NT5DC1: variants seen among roughly 807,000 people sequenced by gnomAD.
NT5DC1 encodes the protein 5'-nucleotidase domain containing 1.
Under a neutral mutation model 59.4 loss-of-function variants are expected in NT5DC1, and 42 were observed. The observed-to-expected ratio is 0.71, with a 90% CI of 0.55 to 0.92. NT5DC1 has a LOEUF of 0.92. Ranked by LOEUF, NT5DC1 falls within the 40% of genes least tolerant of loss-of-function variation. The pLI is 0.00. For synonymous variants in NT5DC1, 172 were observed against 188.1 expected (o/e 0.91, Z 0.70); for missense variants, 501 against 537.1 (o/e 0.93, Z 0.66).
Position 116,115,697 on chromosome 6 carries a change from AT to A in NT5DC1, c.373del (p.Tyr125ThrfsTer22). On this transcript the variant is annotated frameshift_variant, in exon 5 of 12. Coordinates refer to ENST00000319550, the MANE Select transcript of NT5DC1 (RefSeq NM_152729.3). LOFTEE classifies it high-confidence loss of function. ...DTGMACRSGK[Y>X]YFYDNYFDLP... ...AAATTTTGTTCTTTTTTAGGAAAGT[AT>A]TACTTTTACGACAACTACTTTGACC... 1 of 1,576,074 alleles carries A rather than the reference AT, an allele frequency of 6.3e-7. No homozygotes were observed. Among genetic ancestry groups the A allele is most frequent in the Non-Finnish European group, 8.7e-7 (1 of 1,145,580 alleles).
chr6:116,189,830 C>G (rs893966299), intron 6 of NT5DC1, among the ~76,000 whole-genome samples: 1 of 151,988 alleles, frequency 6.6e-6, no homozygotes, highest in African/African-American at 2.4e-5. Context: ...ACAGCAGTTA[C>G]TTAGTTACAG....
At position 116,244,333 on chromosome 6, in the gene NT5DC1, C is replaced by G. The variant is rs1262268867; in HGVS notation, c.*309C>G. ...CACATATGCCTAGTCCAGTGGTTCT[C>G]AAAGTGTGATCCATAGACTAATAGC... On this transcript the variant is annotated 3_prime_UTR_variant, in exon 12 of 12. Coordinates refer to ENST00000319550, the MANE Select transcript of NT5DC1 (RefSeq NM_152729.3). 5.7e-6 allele frequency: 1 copy of G among 175,100 alleles called. No homozygotes were observed. Among genetic ancestry groups the G allele is most frequent in the African/African-American group, 2.4e-5 (1 of 42,208 alleles). 10.8% of individuals were successfully genotyped at this position (175,100 alleles called of 1,614,324 possible).
At chr6:116,140,338 CCTTTG>C (rs749929100) in intron 6 of NT5DC1, among the ~76,000 whole-genome samples, 37 of 152,270 alleles carry the variant, frequency 2.4e-4, no homozygotes, top group Non-Finnish European at 3.4e-4. Flanking sequence ...GGGAGCACCA[CCTTTG>C]CTCTTCTGGG....
intron 8 of NT5DC1, 128 bp from the exon 9 acceptor site, chr6:116,236,838 A>T (rs1431174867): frequency 3.2e-6 from 2 of 632,658 alleles, no homozygotes; most frequent in Non-Finnish European, 5.7e-6. Flanking sequence ...GGTACCACTG[A>T]ATGTCAGCTC....
chr6:116,118,314 G>A (rs1779008672), intron 6 of NT5DC1, among the ~76,000 whole-genome samples: 1 of 152,118 alleles, frequency 6.6e-6, no homozygotes. Context: ...ATGTCTGCCG[G>A]CAGAAATTTT....
chr6:116,194,534 A>G (rs1781185844), intron 6 of NT5DC1, among the ~76,000 whole-genome samples: 1 of 152,006 alleles, frequency 6.6e-6, no homozygotes. Context: ...GATTGAACAG[A>G]TAGAACCTGA....
chr6:116,232,044 T>G (rs1297887352), intron 8 of NT5DC1, among the ~76,000 whole-genome samples: 1 of 152,198 alleles, frequency 6.6e-6, no homozygotes, highest in Non-Finnish European at 1.5e-5. Context: ...GCAGGATTGG[T>G]TTCTTCTAAG....
intron 6 of NT5DC1, among the ~76,000 whole-genome samples, chr6:116,172,458 A>T (rs1429249778): frequency 6.6e-6 from 1 of 151,208 alleles, no homozygotes. Flanking sequence ...AGTAGGTAGG[A>T]CTACAGGCGC....
At chr6:116,101,497 T>G (rs1206151804) in intron 1 of NT5DC1, among the ~76,000 whole-genome samples, 1 of 152,214 alleles carries the variant, frequency 6.6e-6, no homozygotes, top group Admixed American at 6.5e-5. Context: ...CCATCAGTGT[T>G]TAAACTGCAA....
chr6:116,238,890 C>CA (rs79414001), intron 10 of NT5DC1, 65 bp from the exon 11 acceptor site: 2 of 1,058,726 alleles, frequency 1.9e-6, no homozygotes, highest in Non-Finnish European at 2.8e-6. Context: ...ACTTAATAGA[C>CA]AAAAAAATTA....
intron 6 of NT5DC1, among the ~76,000 whole-genome samples, chr6:116,213,357 A>G (rs927570150): frequency 3.9e-5 from 6 of 152,052 alleles, no homozygotes; most frequent in African/African-American, 1.4e-4. Context: ...CATCTAACCT[A>G]TTCCTCACAG....
chr6:116,115,641 A>T, intron 4 of NT5DC1, 50 bp from the exon 5 acceptor site: 1 of 874,632 alleles, frequency 1.1e-6, no homozygotes, highest in Non-Finnish European at 1.9e-6. Context: ...TGTATTTCAC[A>T]TGCATGCAGC....
intron 1 of NT5DC1, among the ~76,000 whole-genome samples, chr6:116,104,283 TCTC>T (rs1261593161): frequency 4.6e-5 from 7 of 152,112 alleles, no homozygotes; most frequent in African/African-American, 1.7e-4. Context: ...TACAGAAAAA[TCTC>T]CTCCACAAGG....
chr6:116,191,553 A>C (rs1203285111), intron 6 of NT5DC1, among the ~76,000 whole-genome samples: 1 of 152,086 alleles, frequency 6.6e-6, no homozygotes. Context: ...TTATGTAATA[A>C]ATTATACCTT....
chr6:116,116,477 A>C (rs2114263323), intron 5 of NT5DC1, among the ~76,000 whole-genome samples: 1 of 152,256 alleles, frequency 6.6e-6, no homozygotes, highest in East Asian at 1.9e-4. Flanking sequence ...CCTTGTCTCT[A>C]ATAAAAATAC....
chr6:116,169,729 G>T (rs1780563611), intron 6 of NT5DC1, among the ~76,000 whole-genome samples: 1 of 152,220 alleles, frequency 6.6e-6, no homozygotes, highest in African/African-American at 2.4e-5. Context: ...AGATACCCAT[G>T]TGATGTCCTA....
intron 6 of NT5DC1, among the ~76,000 whole-genome samples, chr6:116,188,934 GA>G (rs955407823): frequency 6.6e-6 from 1 of 151,722 alleles, no homozygotes; most frequent in Non-Finnish European, 1.5e-5. Context: ...TTGCAGAGTG[GA>G]GTTTAATTTA....
At chr6:116,186,595 C>A (rs889280802) in intron 6 of NT5DC1, among the ~76,000 whole-genome samples, 1 of 151,724 alleles carries the variant, frequency 6.6e-6, no homozygotes, top group African/African-American at 2.4e-5. Context: ...TTTTCTTTGT[C>A]TTTGTTGGAT....
intron 6 of NT5DC1, among the ~76,000 whole-genome samples, chr6:116,135,872 T>TATATATATATACACAC (rs368675402): frequency 8.2e-6 from 1 of 121,312 alleles, no homozygotes; most frequent in African/African-American, 3.5e-5. Flanking sequence ...TATATATATA[T>TATATATATATACACAC]ACACACATAC....
Sources: gnomAD v4.1 joint callset for allele counts (sites outside exome capture counted in the v4.1 genomes callset) on GRCh38, gnomAD v4.1.1 for gene constraint, MANE v1.5 for transcripts, NCBI Gene and HGNC (gene_info 2026-07-23, HGNC 2026-07-21) for gene names.